Variants in SAMHD1 observed in about 807,000 individuals in gnomAD.
SAMHD1 encodes deoxynucleoside triphosphate triphosphohydrolase SAMHD1.
Under a neutral mutation model 79.6 loss-of-function variants are expected in SAMHD1, and 54 were observed. The ratio of observed to expected loss-of-function variants is 0.68; its 90% confidence interval spans 0.55 to 0.85. The LOEUF (loss-of-function observed/expected upper bound fraction) is 0.85, where lower values mean the gene tolerates loss of function less well. Among genes scored for constraint, SAMHD1 ranks in the 40% least tolerant of loss-of-function variants. SAMHD1 has a pLI of 0.00. For missense variants in SAMHD1, 663 were observed against 782.7 expected (o/e 0.85, Z 1.82); for synonymous variants, 260 against 264.1 (o/e 0.98, Z 0.15).
rs1182188808 is a variant in SAMHD1, at chr20:36,892,173, C to T, written c.*759G>A. On this transcript the variant is annotated 3_prime_UTR_variant, in exon 16 of 16. Coordinates refer to ENST00000646673, the MANE Select transcript of SAMHD1 (RefSeq NM_015474.4). ...CTTTATGTTCCACTCACGAAGAGGC[C>T]AGAGCTCTCAGATCTTCCCCAAAAC... 1.3e-5 allele frequency: 2 copies of T among 152,558 alleles called. No individual in the cohort carries two copies. Among genetic ancestry groups the T allele is most frequent in the Admixed American group, 6.5e-5 (1 of 15,274 alleles). The allele number at this position is 152,558 out of a possible 1,614,324, so 9.5% of individuals were successfully genotyped here.
intron 13 of SAMHD1, among the ~76,000 whole-genome samples, chr20:36,901,056 G>C (rs1416609937): frequency 6.6e-6 from 1 of 151,864 alleles, no homozygotes; most frequent in Non-Finnish European, 1.5e-5. Context: ...AAAACATAAA[G>C]GAAAAAAAAG....
At chr20:36,947,090 A>G in intron 1 of SAMHD1, 1 of 330,792 alleles carries the variant, frequency 3.0e-6, no homozygotes, top group Non-Finnish European at 5.7e-6. Context: ...AAACCCGACT[A>G]CCTGTTGGGG....
intron 9 of SAMHD1, among the ~76,000 whole-genome samples, chr20:36,913,009 T>G (rs1352051316): frequency 6.9e-6 from 1 of 145,394 alleles, no homozygotes; most frequent in Non-Finnish European, 1.5e-5. Context: ...CTTTTTTTTT[T>G]TTTTTGAGAT....
At position 36,919,426 on chromosome 20, in the gene SAMHD1, C is replaced by T. The variant is rs1489303684; in HGVS notation, c.790G>A (p.Asp264Asn). Residue 264 changes from aspartate to asparagine, a missense_variant, in exon 7 of 16, where the codon GAT (aspartate) becomes AAT (asparagine). Coordinates refer to ENST00000646673, the MANE Select transcript of SAMHD1 (RefSeq NM_015474.4). The part of the protein sequence containing the change: ...MEQYGLIPEE[D>N]ICFIKEQIVG... ...ATTTGTTCCTTTATAAAGCAAATAT[C>T]TTCTTCAGGGATGAGACCATATTGT... The T allele has an allele frequency of 1.2e-6, 2 of 1,613,284 alleles. No individual in the cohort carries two copies. Among genetic ancestry groups the T allele is most frequent in the South Asian group, 1.1e-5 (1 of 91,066 alleles).
rs527385232 is a variant in SAMHD1, at chr20:36,946,788, G to A, written c.225C>T (p.Gly75=). The A allele has an allele frequency of 1.3e-5, 21 of 1,612,292 alleles. No individual in the cohort carries two copies. Among genetic ancestry groups the A allele is most frequent in the African/African-American group, 1.3e-5 (1 of 74,988 alleles). ...ACTCATCAAGACAAGGCAGTAATGC[G>A]CCTGTGATTTCATTTTCTATGGAAG... ...LKNIRENEIT[G]ALLPCLDESR... Residue 75 remains glycine (G), a synonymous_variant, in exon 2 of 16, where the codon GGC becomes GGT. Transcript: ENST00000646673.
chr20:36,935,044 A>T lies in SAMHD1; in HGVS notation c.494T>A (p.Phe165Tyr), dbSNP rs765879627. The T allele has an allele frequency of 3.7e-6, 6 of 1,614,078 alleles. No homozygotes were observed. The highest frequency in any genetic ancestry group is 4.2e-6 in the Non-Finnish European group (5 of 1,180,008). The change falls in exon 4 of 16, where the codon TTT becomes TAT. Residue 165 changes from phenylalanine to tyrosine, a missense_variant. Transcript: ENST00000646673. ...YVFPGASHNR[F>Y]EHSLGVGYLA... ...CCCTTCTTACCCTAGACTATGCTCA[A>T]ATCGATTGTGTGAAGCTCCTGGAAA...
chr20:36,909,112 C>A (rs529698257), intron 11 of SAMHD1, among the ~76,000 whole-genome samples: 1 of 152,158 alleles, frequency 6.6e-6, no homozygotes, highest in Non-Finnish European at 1.5e-5. Flanking sequence ...CAGGTGCGTG[C>A]CACCACGCCT....
intron 13 of SAMHD1, among the ~76,000 whole-genome samples, chr20:36,901,578 A>G (rs576416917): frequency 6.6e-6 from 1 of 152,124 alleles, no homozygotes; most frequent in East Asian, 1.9e-4. Flanking sequence ...TATACAAAAA[A>G]CTTAAAAATT....
At chr20:36,916,399 AGGAG>A (rs2063475615) in intron 9 of SAMHD1, 1 of 330,586 alleles carries the variant, frequency 3.0e-6, no homozygotes, top group Non-Finnish European at 5.7e-6. Context: ...TGGGAGGCTG[AGGAG>A]GGAGGATCAC....
Position 36,933,590 on chromosome 20 carries a change from C to T in SAMHD1, c.509+1439G>A, listed in dbSNP as rs539646127. On this transcript the variant is annotated intron_variant, in intron 4 of 15. Transcript: ENST00000646673. ...TCAGTTCACTGCAACCTTGGCCTCC[C>T]GGGTTCAAGCTATTCTCCTGCCTCA... Among the ~76,000 whole-genome samples, 6 of 152,098 alleles carry T rather than the reference C, an allele frequency of 3.9e-5. No individual in the cohort carries two copies. The South Asian group carries it at 1.2e-3, about 32-fold the overall frequency.
At chr20:36,928,940 C>G (rs2063552056) in intron 5 of SAMHD1, among the ~76,000 whole-genome samples, 1 of 151,482 alleles carries the variant, frequency 6.6e-6, no homozygotes, top group Non-Finnish European at 1.5e-5. Flanking sequence ...GCCTGTAGTC[C>G]CAGCTACTTG....
In SAMHD1 at chr20:36,892,795, A is replaced by T; in HGVS notation, c.*137T>A. On this transcript the variant is annotated 3_prime_UTR_variant, in exon 16 of 16. Transcript: ENST00000646673. ...CATCTTATTTCTTTGATTAAAAGTT[A>T]CTTAGCTTCAGCATGCGTGTACATT... The T allele has an allele frequency of 1.8e-6, 2 of 1,084,354 alleles. No homozygotes were observed. The highest frequency in any genetic ancestry group is 2.9e-6 in the Non-Finnish European group (2 of 700,630). 67.2% of individuals were successfully genotyped at this position (1,084,354 alleles called of 1,614,324 possible).
At chr20:36,918,761 C>T (rs1873693741) in intron 7 of SAMHD1, among the ~76,000 whole-genome samples, 1 of 138,526 alleles carries the variant, frequency 7.2e-6, no homozygotes, top group Admixed American at 7.7e-5. Context: ...GAGATCATGC[C>T]ACTGTACTCC....
intron 3 of SAMHD1, among the ~76,000 whole-genome samples, chr20:36,935,571 A>ATT (rs35043095): frequency 7.7e-5 from 11 of 142,956 alleles, no homozygotes; most frequent in Non-Finnish European, 9.2e-5. Context: ...ATTATGTCTA[A>ATT]TTTTTTTTTT....
At chr20:36,947,771 G>A (rs1268255712) in intron 1 of SAMHD1, among the ~76,000 whole-genome samples, 1 of 152,010 alleles carries the variant, frequency 6.6e-6, no homozygotes, top group Non-Finnish European at 1.5e-5. Flanking sequence ...GGGCTCAAGC[G>A]ATCCTCCTGC....
chr20:36,926,155 C>T (rs1033953293), intron 6 of SAMHD1, among the ~76,000 whole-genome samples: 2 of 151,902 alleles, frequency 1.3e-5, no homozygotes, highest in African/African-American at 4.8e-5. Context: ...TTATTTATAA[C>T]AACCAAAACC....
At chr20:36,911,469 C>A (rs982663651) in intron 10 of SAMHD1, 136 bp from the exon 11 acceptor site, 3 of 668,504 alleles carry the variant, frequency 4.5e-6, no homozygotes, top group Non-Finnish European at 8.1e-6. Context: ...TGCTTCTCCA[C>A]CGTACTAAAT....
At chr20:36,949,755 CAAAAAA>C (rs34682795) in intron 1 of SAMHD1, among the ~76,000 whole-genome samples, 2 of 69,800 alleles carry the variant, frequency 2.9e-5, no homozygotes, top group Non-Finnish European at 5.1e-5. Context: ...GACTCTGTCT[CAAAAAA>C]AAAAAAAAAA....
At chr20:36,898,737 C>G (rs982582546) in intron 13 of SAMHD1, among the ~76,000 whole-genome samples, 193 bp from the exon 14 acceptor site, 5 of 151,786 alleles carry the variant, frequency 3.3e-5, no homozygotes, top group African/African-American at 1.2e-4. Flanking sequence ...CATAGTGAAA[C>G]CCCACCTCTA....
Sources: allele counts gnomAD v4.1 joint callset (sites outside exome capture counted in the v4.1 genomes callset), GRCh38; gene constraint gnomAD v4.1.1; transcripts MANE v1.5; gene names NCBI Gene and HGNC (gene_info 2026-07-23, HGNC 2026-07-21).